Variants in NFKBID observed in about 807,000 individuals in gnomAD.
The protein encoded by NFKBID is NF-kappa-B inhibitor delta.
In NFKBID, 26 loss-of-function variants were observed where a neutral mutation model predicts 53.4. That is an observed-to-expected ratio of 0.49 (90% CI 0.36 to 0.68). NFKBID has a LOEUF of 0.68. Ranked by LOEUF, NFKBID falls within the 30% of genes least tolerant of loss-of-function variation. NFKBID has a pLI of 0.00. For synonymous variants in NFKBID, 262 were observed against 259.8 expected (o/e 1.01, Z -0.08); for missense variants, 493 against 614.1 (o/e 0.80, Z 2.08).
intron 11 of NFKBID, among the ~76,000 whole-genome samples, chr19:35,889,546 T>A (rs1182429387): frequency 6.6e-6 from 1 of 150,384 alleles, no homozygotes; most frequent in African/African-American, 2.5e-5. Context: ...AGGTCAAAGG[T>A]CACATCTGAG....
chr19:35,890,288 C>G (rs949872899), intron 10 of NFKBID, 86 bp downstream of exon 10: 1 of 995,382 alleles, frequency 1.0e-6, no homozygotes, highest in South Asian at 1.4e-5. Context: ...GTCCCCTCCA[C>G]GTCCACAGCC....
chr19:35,897,180 T>G (rs1975236576), intron 4 of NFKBID, 122 bp from the exon 5 acceptor site: 1 of 1,032,442 alleles, frequency 9.7e-7, no homozygotes, highest in African/African-American at 1.6e-5. Context: ...CACATCTGCA[T>G]GCAGAGCCCC....
chr19:35,892,233 T>C (rs1301006409), intron 9 of NFKBID, among the ~76,000 whole-genome samples: 1 of 151,888 alleles, frequency 6.6e-6, no homozygotes, highest in Non-Finnish European at 1.5e-5. Flanking sequence ...TGTATTTTTT[T>C]TAGAGATGGG....
exon 12 of NFKBID, chr19:35,888,364 G>A (rs1488414137): frequency 1.6e-5 from 9 of 570,472 alleles, no homozygotes; most frequent in Non-Finnish European, 2.8e-5. Flanking sequence ...CTCCTTGTGG[G>A]TAGAAGAGGG....
upstream of NFKBID, chr19:35,902,296 C>T: frequency 1.4e-6 from 1 of 711,548 alleles, no homozygotes; most frequent in Non-Finnish European, 2.6e-6. Flanking sequence ...ATTTAATCAG[C>T]AAATTTTCTT....
chr19:35,890,933 T>C (rs1209149882), intron 9 of NFKBID, among the ~76,000 whole-genome samples: 1 of 152,124 alleles, frequency 6.6e-6, no homozygotes, highest in East Asian at 1.9e-4. Flanking sequence ...CCTTATTCAG[T>C]TGTATGTCTT....
At chr19:35,890,742 T>C (rs1364582063) in intron 9 of NFKBID, 4 of 463,854 alleles carry the variant, frequency 8.6e-6, no homozygotes, top group East Asian at 4.8e-5. Context: ...TGCGCACCTG[T>C]AGTCCCAGCT....
intron 9 of NFKBID, among the ~76,000 whole-genome samples, chr19:35,892,491 C>G (rs1005792892): frequency 2.6e-5 from 4 of 151,246 alleles, no homozygotes; most frequent in Admixed American, 1.3e-4. Context: ...TTGCAGTGAA[C>G]CAAGACTGTG....
chr19:35,894,514 C>T (rs1198519043), intron 9 of NFKBID, among the ~76,000 whole-genome samples: 2 of 151,924 alleles, frequency 1.3e-5, no homozygotes, highest in African/African-American at 4.8e-5. Flanking sequence ...TGAGACCAAC[C>T]TGGCCAACAT....
In NFKBID at chr19:35,895,941, A is replaced by G; in HGVS notation, c.1032+39T>C. On this transcript the variant is annotated intron_variant, in intron 9 of 11. Transcript: ENST00000641389. ...GGACATCCAAGTGGCCCCATTCCACACAATCTCCCAGGGTCTGACCGCCCA... is the reference window on the plus strand; with the variant it reads ...GGACATCCAAGTGGCCCCATTCCACGCAATCTCCCAGGGTCTGACCGCCCA... 3.2e-6 allele frequency: 5 copies of G among 1,585,290 alleles called. No individual in the cohort carries two copies. In the South Asian group the frequency reaches 5.7e-5, roughly 18 times the overall value.
In NFKBID at chr19:35,896,650, TCTC is replaced by T; in HGVS notation, c.684+73_684+75del. 6.9e-7 allele frequency: 1 copy of T among 1,456,156 alleles called. No homozygotes were observed. The highest frequency in any genetic ancestry group is 9.5e-7 in the Non-Finnish European group (1 of 1,050,668). The allele number at this position is 1,456,156 out of a possible 1,614,324, so 90.2% of individuals were successfully genotyped here. On this transcript the variant is annotated intron_variant, in intron 6 of 11. Coordinates refer to ENST00000641389, the Ensembl canonical transcript of NFKBID. The surrounding 1 kb of genome is among the most constrained non-coding windows in gnomAD (Gnocchi z 5.7). The stretch of plus-strand genomic sequence containing the variant: ...AGGAGCTCACCCCCCATTCCCCTCT[TCTC>T]TAGGATCCAGGGGTCCAGGCCCCAG...
Position 35,896,657 on chromosome 19 carries a change from G to T in NFKBID, c.684+69C>A. The stretch of plus-strand genomic sequence containing the variant: ...CACCCCCCATTCCCCTCTTCTCTAG[G>T]ATCCAGGGGTCCAGGCCCCAGGCTC... On this transcript the variant is annotated intron_variant, in intron 6 of 11. Coordinates refer to ENST00000641389, the Ensembl canonical transcript of NFKBID. The surrounding 1 kb of genome is among the most constrained non-coding windows in gnomAD (Gnocchi z 5.7). 1 of 1,540,074 alleles carries T rather than the reference G, an allele frequency of 6.5e-7. No individual in the cohort carries two copies. The highest frequency in any genetic ancestry group is 8.9e-7 in the Non-Finnish European group (1 of 1,121,098).
chr19:35,898,877 C>A, intron 1 of NFKBID, 55 bp from the exon 2 acceptor site: 1 of 1,397,592 alleles, frequency 7.2e-7, no homozygotes, highest in Non-Finnish European at 9.8e-7. Context: ...CACCTAAATG[C>A]CGCGGGGGTG....
chr19:35,888,889 T>C (rs1322594462), intron 11 of NFKBID, among the ~76,000 whole-genome samples: 3 of 152,106 alleles, frequency 2.0e-5, no homozygotes, highest in Admixed American at 6.5e-5. Context: ...CTACCAGAGA[T>C]ACAAAAATTA....
exon 4 of NFKBID, chr19:35,897,716 G>A (rs1975281775): frequency 6.2e-7 from 1 of 1,612,962 alleles, no homozygotes; most frequent in East Asian, 2.2e-5. Flanking sequence ...TCAGGAGGCA[G>A]GAAATTTTCG....
Position 35,898,829 on chromosome 19 carries a change from G to T in NFKBID, c.62-7C>A. The T allele has an allele frequency of 6.5e-7, 1 of 1,534,178 alleles. No individual in the cohort carries two copies. Among genetic ancestry groups the T allele is most frequent in the Non-Finnish European group, 8.7e-7 (1 of 1,145,170 alleles). On this transcript the variant is annotated splice_polypyrimidine_tract_variant and splice_region_variant and intron_variant, in intron 1 of 11. Transcript: ENST00000641389. The stretch of plus-strand genomic sequence containing the variant: ...CTGCGCTCACCCCTGCTCACTGTGC[G>T]GGAGAGGAGAGGGGGAAGTCATCAA...
At chr19:35,895,320 CAAA>C (rs74172772) in intron 9 of NFKBID, among the ~76,000 whole-genome samples, 1 of 72,172 alleles carries the variant, frequency 1.4e-5, no homozygotes, top group Admixed American at 1.7e-4. Flanking sequence ...TACTAAAATA[CAAA>C]AAAAAAAAAA....
At chr19:35,902,241 A>G (rs1975586050), upstream of NFKBID, 2 of 703,580 alleles carry the variant, frequency 2.8e-6, no homozygotes, top group East Asian at 5.4e-5. Flanking sequence ...GTTTCATGCC[A>G]GAAGGCTTGG....
chr19:35,889,264 G>A (rs926944878), intron 11 of NFKBID, among the ~76,000 whole-genome samples: 15 of 151,904 alleles, frequency 9.9e-5, no homozygotes, highest in African/African-American at 3.6e-4. Flanking sequence ...GCTGAGGTGG[G>A]AGGATCCCTT....
Sources: allele counts gnomAD v4.1 joint callset (sites outside exome capture counted in the v4.1 genomes callset), GRCh38; gene constraint gnomAD v4.1.1; non-coding constraint Gnocchi (gnomAD v3.1); transcripts MANE v1.5; gene names NCBI Gene and HGNC (gene_info 2026-07-23, HGNC 2026-07-21).